The following GRIA1 variants were observed in gnomAD, a reference collection of about 807,000 sequenced individuals.
GRIA1 encodes the protein glutamate ionotropic receptor AMPA type subunit 1.
A neutral mutation model predicts 99.2 loss-of-function variants in GRIA1; 31 were observed. The observed-to-expected ratio is 0.31, with a 90% CI of 0.23 to 0.42. The LOEUF is 0.42. Ranked by LOEUF, GRIA1 falls within the 10% of genes least tolerant of loss-of-function variation. GRIA1 has a pLI of 1.00. For missense variants in GRIA1, 782 were observed against 1,157.5 expected, an observed-to-expected ratio of 0.68 and a Z score of 4.71; for synonymous variants, 438 against 432.4, an observed-to-expected ratio of 1.01 and a Z score of -0.16.
intron 2 of GRIA1, among the ~76,000 whole-genome samples, chr5:153,562,496 AG>A (rs1761217568): frequency 6.6e-6 from 1 of 152,214 alleles, no homozygotes; most frequent in Admixed American, 6.5e-5. Flanking sequence ...TATCAGTCAT[AG>A]TACTTTAATA....
At chr5:153,514,397 C>A (rs1034595491) in intron 2 of GRIA1, among the ~76,000 whole-genome samples, 4 of 152,286 alleles carry the variant, frequency 2.6e-5, no homozygotes, top group African/African-American at 9.6e-5. Context: ...CAATTCAATT[C>A]TTCTGCATGT....
At chr5:153,685,938 G>C (rs1757309430) in intron 7 of GRIA1, among the ~76,000 whole-genome samples, 1 of 152,274 alleles carries the variant, frequency 6.6e-6, no homozygotes, top group Admixed American at 6.5e-5. Flanking sequence ...TGTTTGGTTA[G>C]GGATGGTGCA....
chr5:153,530,340 A>G (rs1272904706), intron 2 of GRIA1, among the ~76,000 whole-genome samples: 1 of 152,214 alleles, frequency 6.6e-6, no homozygotes, highest in Non-Finnish European at 1.5e-5. Flanking sequence ...GTAACTATCA[A>G]TGGAAGATGA....
chr5:153,761,669 A>G (rs1012415294), intron 11 of GRIA1, among the ~76,000 whole-genome samples: 3 of 152,230 alleles, frequency 2.0e-5, no homozygotes, highest in African/African-American at 4.8e-5. Context: ...CATTGAGTAA[A>G]TATACAAAGG....
rs1766955552 is a variant in GRIA1 at position 153,813,365 on chromosome 5, T to C, written c.*2140T>C. Reference sequence around the variant, plus strand: ...ACATCAACATGCTTCAAAGACTTTTTGCCTTTGGCCTAGTAAGATGCCTCT... The same window carrying C: ...ACATCAACATGCTTCAAAGACTTTTCGCCTTTGGCCTAGTAAGATGCCTCT... On this transcript the variant is annotated 3_prime_UTR_variant, in exon 16 of 16. Transcript: ENST00000285900. 6.6e-6 allele frequency: 1 copy of C among 152,224 alleles called. No homozygotes were observed. Among genetic ancestry groups the C allele is most frequent in the East Asian group, 1.9e-4 (1 of 5,202 alleles). 9.4% of individuals were successfully genotyped at this position (152,224 alleles called of 1,614,324 possible). A position where few individuals can be genotyped will look rare whatever the true frequency, so the allele number is the denominator to read the frequency against.
intron 2 of GRIA1, among the ~76,000 whole-genome samples, chr5:153,529,326 G>A (rs538738514): frequency 6.6e-6 from 1 of 152,240 alleles, no homozygotes; most frequent in Non-Finnish European, 1.5e-5. Flanking sequence ...AATTACCAGA[G>A]GACCTCAGAC....
chr5:153,691,181 T>C (rs992409371), intron 8 of GRIA1, among the ~76,000 whole-genome samples: 3 of 152,218 alleles, frequency 2.0e-5, no homozygotes, highest in Non-Finnish European at 4.4e-5. Flanking sequence ...GTACTTGCTC[T>C]ACTAAAATGG....
chr5:153,792,975 G>T (rs753353767), intron 13 of GRIA1, among the ~76,000 whole-genome samples: 1 of 152,176 alleles, frequency 6.6e-6, no homozygotes, highest in Non-Finnish European at 1.5e-5. Flanking sequence ...AGCATTTGGA[G>T]TCTCTCTCCT....
chr5:153,499,579 C>T (rs1383702586), intron 2 of GRIA1, among the ~76,000 whole-genome samples: 1 of 137,174 alleles, frequency 7.3e-6, no homozygotes, highest in Non-Finnish European at 1.5e-5. Flanking sequence ...CACGCCACTG[C>T]ACTCCAGCCT....
chr5:153,577,491 G>T, intron 2 of GRIA1, among the ~76,000 whole-genome samples: 1 of 152,190 alleles, frequency 6.6e-6, no homozygotes, highest in East Asian at 1.9e-4. Flanking sequence ...TTTGTACCCT[G>T]TGTAGATAAT....
At chr5:153,727,448 C>T (rs1262068515) in intron 11 of GRIA1, among the ~76,000 whole-genome samples, 2 of 152,134 alleles carry the variant, frequency 1.3e-5, no homozygotes, top group African/African-American at 2.4e-5. Context: ...GTCAAATTGT[C>T]CCTGTGTGCA....
intron 7 of GRIA1, among the ~76,000 whole-genome samples, chr5:153,678,157 T>C (rs1756724964): frequency 6.6e-6 from 1 of 152,156 alleles, no homozygotes; most frequent in African/African-American, 2.4e-5. Context: ...TAAGACGACA[T>C]TCAGCAGAAG....
chr5:153,759,333 G>A (rs1435321261), intron 11 of GRIA1, among the ~76,000 whole-genome samples: 1 of 149,750 alleles, frequency 6.7e-6, no homozygotes, highest in Non-Finnish European at 1.5e-5. Flanking sequence ...GAGAAAATAA[G>A]AGAAATGACT....
At chr5:153,687,407 A>G (rs1757416179) in intron 8 of GRIA1, among the ~76,000 whole-genome samples, 2 of 152,140 alleles carry the variant, frequency 1.3e-5, no homozygotes, top group African/African-American at 4.8e-5. Context: ...CCAACCTCAT[A>G]GGGTCATTGA....
intron 2 of GRIA1, among the ~76,000 whole-genome samples, chr5:153,556,199 C>T (rs986189924): frequency 3.9e-5 from 6 of 152,144 alleles, no homozygotes; most frequent in Admixed American, 1.3e-4. Flanking sequence ...TTGAACTACA[C>T]GGTGTTTCTG....
intron 2 of GRIA1, among the ~76,000 whole-genome samples, chr5:153,545,980 C>T (rs540680356): frequency 5.4e-4 from 82 of 152,292 alleles, no homozygotes; most frequent in Non-Finnish European, 6.3e-4. Flanking sequence ...TGTAACTCCT[C>T]CCTATTGGGA....
chr5:153,544,763 T>C (rs920025720), intron 2 of GRIA1, among the ~76,000 whole-genome samples: 26 of 152,132 alleles, frequency 1.7e-4, no homozygotes, highest in Admixed American at 1.6e-3. Context: ...GGAAGAGACA[T>C]GGAAAGGATT....
chr5:153,565,252 A>C (rs1256157035), intron 2 of GRIA1, among the ~76,000 whole-genome samples: 1 of 152,194 alleles, frequency 6.6e-6, no homozygotes, highest in Non-Finnish European at 1.5e-5. Context: ...TATTCTTATC[A>C]CATTATCTAA....
intron 2 of GRIA1, among the ~76,000 whole-genome samples, chr5:153,631,296 G>A (rs1039773168): frequency 3.2e-4 from 48 of 152,286 alleles, no homozygotes. Context: ...TCATGCCCCT[G>A]GTGAGTCAAA....
Sources: allele counts gnomAD v4.1 joint callset (sites outside exome capture counted in the v4.1 genomes callset), GRCh38; gene constraint gnomAD v4.1.1; transcripts MANE v1.5; gene names NCBI Gene and HGNC (gene_info 2026-07-23, HGNC 2026-07-21).